The following VPS50 variants were observed in gnomAD, a reference collection of about 807,000 sequenced individuals.
VPS50 encodes syndetin.
In VPS50, 70 loss-of-function variants were observed where a neutral mutation model predicts 139.7. The ratio of observed to expected loss-of-function variants is 0.50; its 90% CI spans 0.41 to 0.61. The LOEUF (loss-of-function observed/expected upper bound fraction) is 0.61. VPS50 is among the 20% of genes least tolerant of loss of function. The pLI is 0.00. For missense variants in VPS50, 921 were observed against 1,133.7 expected, an observed-to-expected ratio of 0.81 and a Z score of 2.69; for synonymous variants, 365 against 376.7, an observed-to-expected ratio of 0.97 and a Z score of 0.36.
chr7:93,322,188 T>A (rs1475838583), intron 20 of VPS50, among the ~76,000 whole-genome samples: 2 of 152,250 alleles, frequency 1.3e-5, no homozygotes, highest in African/African-American at 4.8e-5. Context: ...ATTTCTCACA[T>A]AAATTAAGAA....
chr7:93,343,565 G>A (rs1389109078), intron 23 of VPS50, among the ~76,000 whole-genome samples: 1 of 152,140 alleles, frequency 6.6e-6, no homozygotes, highest in Non-Finnish European at 1.5e-5. Context: ...AGGAAAAAAT[G>A]TTAAGGGCAG....
chr7:93,241,886 G>A (rs1795002048), intron 2 of VPS50, among the ~76,000 whole-genome samples: 1 of 151,882 alleles, frequency 6.6e-6, no homozygotes, highest in Non-Finnish European at 1.5e-5. Context: ...TGAAATTAAT[G>A]TTGTTGCTAG....
intron 23 of VPS50, among the ~76,000 whole-genome samples, chr7:93,347,587 C>A (rs1370280402): frequency 7.3e-6 from 1 of 136,786 alleles, no homozygotes; most frequent in Non-Finnish European, 1.5e-5. Context: ...AAATGTCCAA[C>A]AATGATAGAC....
intron 17 of VPS50, among the ~76,000 whole-genome samples, chr7:93,305,002 A>G (rs1428086055): frequency 6.6e-6 from 1 of 151,942 alleles, no homozygotes; most frequent in Non-Finnish European, 1.5e-5. Flanking sequence ...TTTTAAGAAT[A>G]CCTTTGAAGA....
At chr7:93,317,798 T>C (rs1797471909) in intron 20 of VPS50, among the ~76,000 whole-genome samples, 1 of 152,214 alleles carries the variant, frequency 6.6e-6, no homozygotes, top group Non-Finnish European at 1.5e-5. Context: ...ATAATTAAAA[T>C]AGTAGCTTCT....
At chr7:93,337,251 G>A (rs930162157) in intron 22 of VPS50, among the ~76,000 whole-genome samples, 1 of 152,310 alleles carries the variant, frequency 6.6e-6, no homozygotes, top group South Asian at 2.1e-4. Flanking sequence ...TGAAGTGGGG[G>A]CAACAATTCC....
At chr7:93,337,387 G>A (rs899869438) in intron 22 of VPS50, among the ~76,000 whole-genome samples, 6 of 152,130 alleles carry the variant, frequency 3.9e-5, no homozygotes, top group Non-Finnish European at 8.8e-5. Context: ...TCATATGGAA[G>A]ATAACTGTAT....
intron 1 of VPS50, among the ~76,000 whole-genome samples, chr7:93,235,755 T>C (rs1794779979): frequency 6.6e-6 from 1 of 152,212 alleles, no homozygotes; most frequent in Admixed American, 6.5e-5. Flanking sequence ...CTTGTTAATT[T>C]GAAAGCCTCT....
intron 11 of VPS50, among the ~76,000 whole-genome samples, chr7:93,274,027 A>T (rs1189866307): frequency 3.3e-5 from 5 of 152,048 alleles, no homozygotes; most frequent in African/African-American, 1.2e-4. Flanking sequence ...TTAATTCACA[A>T]ATGTGTGTGT....
Position 93,323,661 on chromosome 7 carries a change from A to G in VPS50, c.1906A>G (p.Ile636Val). The change falls in exon 21 of 28, where the codon ATT becomes GTT. Residue 636 changes from isoleucine (I) to valine (V), a missense_variant. This residue lies in a region of VPS50 where 744 missense variants were observed against 930.6 expected (regional missense o/e 0.80). Coordinates refer to ENST00000305866, the MANE Select transcript of VPS50 (RefSeq NM_017667.4). The part of the protein sequence containing the change: ...NILKPIAFDV[I>V]HFMSQLFDYY... ...TCTTAAGCCAATTGCCTTTGATGTTATTCATTTCATGTCTCAACTATTTGA... is the reference window on the plus strand; with the variant it reads ...TCTTAAGCCAATTGCCTTTGATGTTGTTCATTTCATGTCTCAACTATTTGA... The G allele has an allele frequency of 7.3e-7, 1 of 1,360,742 alleles. No individual in the cohort carries two copies. Among genetic ancestry groups the G allele is most frequent in the Non-Finnish European group, 9.9e-7 (1 of 1,006,654 alleles). The allele number at this position is 1,360,742 out of a possible 1,614,324, so 84.3% of individuals were successfully genotyped here. A position where few individuals can be genotyped will look rare whatever the true frequency, so the allele number is the denominator to read the frequency against.
chr7:93,278,264 G>T lies in VPS50; in HGVS notation c.942+1959G>T, dbSNP rs577107579. ...TTTATGAACAAAAATTTGTGCTCAA[G>T]GTGTTTACCATTATGTTTCTTCTGA... On this transcript the variant is annotated intron_variant, in intron 12 of 27. Transcript: ENST00000305866. Among the ~76,000 whole-genome samples the T allele has an allele frequency of 6.2e-4, 94 of 152,124 alleles. 1 individual carries two copies. In the South Asian group the frequency reaches 0.019, roughly 31 times the overall value.
chr7:93,348,732 T>G lies in VPS50; in HGVS notation c.2229T>G (p.Phe743Leu). 6.2e-7 allele frequency: 1 copy of G among 1,613,200 alleles called. No homozygotes were observed. The highest frequency in any genetic ancestry group is 8.5e-7 in the Non-Finnish European group (1 of 1,179,266). ...TESLVFLAEQ[F>L]EFLQPHLDAV... Reference sequence around the variant, plus strand: ...TTAGGGTATTCTTGGCTGAACAGTTTGAGTTCCTTCAGCCACATCTGGATG... The same window carrying G: ...TTAGGGTATTCTTGGCTGAACAGTTGGAGTTCCTTCAGCCACATCTGGATG... The change falls in exon 24 of 28, where the codon TTT (phenylalanine) becomes TTG (leucine). Residue 743 changes from phenylalanine to leucine, a missense_variant. Phe to Leu is a conservative substitution (Grantham distance 22). Transcript: ENST00000305866.
Position 93,353,684 on chromosome 7 carries a change from A to T in VPS50, c.2508A>T (p.Arg836Ser), listed in dbSNP as rs746709850. The T allele has an allele frequency of 1.3e-5, 21 of 1,612,996 alleles. No homozygotes were observed. Among genetic ancestry groups the T allele is most frequent in the South Asian group, 1.1e-5 (1 of 91,012 alleles). ...GGAGGCTAAATGAAGTTTCTAAGAGAGTTCGCATACCCTTGCCTGTGTCTA... is the reference window on the plus strand; with the variant it reads ...GGAGGCTAAATGAAGTTTCTAAGAGTGTTCGCATACCCTTGCCTGTGTCTA... ...FNRRLNEVSK[R>S]VRIPLPVSNI... Residue 836 changes from arginine (R) to serine (S), a missense_variant, in exon 26 of 28, where the codon AGA becomes AGT. Arg to Ser is a moderately radical substitution (Grantham distance 110). Transcript: ENST00000305866.
At chr7:93,264,624 C>T (rs1795784475) in intron 9 of VPS50, among the ~76,000 whole-genome samples, 2 of 152,084 alleles carry the variant, frequency 1.3e-5, no homozygotes, top group Admixed American at 1.3e-4. Flanking sequence ...CATTTTTTCT[C>T]AGAATATGAT....
intron 12 of VPS50, among the ~76,000 whole-genome samples, chr7:93,288,356 G>A (rs372353048): frequency 6.6e-6 from 1 of 152,206 alleles, no homozygotes; most frequent in East Asian, 1.9e-4. Context: ...TTGTATGTAT[G>A]AATAATGTTC....
chr7:93,237,174 T>TG (rs1291982794), intron 1 of VPS50, among the ~76,000 whole-genome samples: 36 of 151,634 alleles, frequency 2.4e-4, no homozygotes, highest in Non-Finnish European at 3.8e-4. Context: ...GCCAGGATAG[T>TG]CTCCATCTCC....
intron 22 of VPS50, among the ~76,000 whole-genome samples, chr7:93,337,969 A>G (rs1213075570): frequency 6.6e-6 from 1 of 151,854 alleles, no homozygotes; most frequent in Non-Finnish European, 1.5e-5. Flanking sequence ...TTATATTTCT[A>G]CCTCTTTTGG....
At chr7:93,339,036 CCTTA>C (rs1335915020) in intron 22 of VPS50, among the ~76,000 whole-genome samples, 2 of 152,068 alleles carry the variant, frequency 1.3e-5, no homozygotes, top group South Asian at 2.1e-4. Context: ...CTGTAAGGTT[CCTTA>C]CTTGTTTCTT....
chr7:93,356,484 T>C (rs1217612163), intron 27 of VPS50, among the ~76,000 whole-genome samples: 2 of 152,138 alleles, frequency 1.3e-5, no homozygotes, highest in Admixed American at 1.3e-4. Flanking sequence ...ACAAACCTTC[T>C]CGTACTCCTC....
Sources: gnomAD v4.1 joint callset for allele counts (sites outside exome capture counted in the v4.1 genomes callset) on GRCh38, gnomAD v4.1.1 for gene constraint, gnomAD v4.1.1 regional missense constraint, MANE v1.5 for transcripts, NCBI Gene and HGNC (gene_info 2026-07-23, HGNC 2026-07-21) for gene names.